The following SH3RF3 variants were observed in gnomAD, a reference collection of about 807,000 sequenced individuals.
The protein encoded by SH3RF3 is SH3 domain containing ring finger 3.
Under a neutral mutation model 66.3 loss-of-function variants are expected in SH3RF3, and 29 were observed. The observed-to-expected ratio is 0.44, with a 90% CI of 0.33 to 0.60. The LOEUF (loss-of-function observed/expected upper bound fraction) is 0.60, where lower values mean the gene tolerates loss of function less well. SH3RF3 is among the 20% of genes least tolerant of loss of function. The probability of loss-of-function intolerance (pLI) is 0.04; values close to 1 mark genes in which losing one functional copy is unlikely to be tolerated. For missense variants in SH3RF3, 1,194 were observed against 1,190.9 expected, an observed-to-expected ratio of 1.00 and a Z score of -0.04; for synonymous variants, 583 against 532.0, an observed-to-expected ratio of 1.10 and a Z score of -1.32.
chr2:109,340,894 G>GT (rs1459052807), intron 1 of SH3RF3, among the ~76,000 whole-genome samples: 1 of 151,768 alleles, frequency 6.6e-6, no homozygotes, highest in Non-Finnish European at 1.5e-5. Context: ...TCTGGGAAAA[G>GT]TAAAAAAAGG....
At chr2:109,299,624 A>T (rs1440005178) in intron 1 of SH3RF3, among the ~76,000 whole-genome samples, 2 of 152,134 alleles carry the variant, frequency 1.3e-5, no homozygotes, top group Non-Finnish European at 2.9e-5. Context: ...GCTCACAGGA[A>T]ACCTTGAATT....
intron 1 of SH3RF3, among the ~76,000 whole-genome samples, chr2:109,283,658 G>A (rs192148877): frequency 2.8e-4 from 42 of 152,308 alleles, no homozygotes; most frequent in African/African-American, 9.4e-4. Context: ...GTGCACATGG[G>A]GACCTGGAAG....
At chr2:109,187,037 A>G (rs1160320970) in intron 1 of SH3RF3, among the ~76,000 whole-genome samples, 3 of 149,702 alleles carry the variant, frequency 2.0e-5, no homozygotes, top group African/African-American at 2.4e-5. Context: ...ACCCCACCCC[A>G]TAGGTGCTGG....
At chr2:109,252,286 T>G (rs897982473) in intron 1 of SH3RF3, among the ~76,000 whole-genome samples, 1 of 152,138 alleles carries the variant, frequency 6.6e-6, no homozygotes, top group Admixed American at 6.5e-5. Flanking sequence ...CATTATAATT[T>G]AAAAAGATGT....
intron 1 of SH3RF3, among the ~76,000 whole-genome samples, chr2:109,139,157 G>T (rs149227566): frequency 6.6e-6 from 1 of 152,156 alleles, no homozygotes; most frequent in African/African-American, 2.4e-5. Context: ...CCAAATCTGC[G>T]TAACTTAAAA....
chr2:109,449,096 T>A (rs905107863), intron 7 of SH3RF3, 74 bp from the exon 8 acceptor site: 15 of 1,517,866 alleles, frequency 9.9e-6, no homozygotes, highest in Non-Finnish European at 1.3e-5. Context: ...TGAGTGTGCA[T>A]TGCAGCTGCC....
intron 1 of SH3RF3, among the ~76,000 whole-genome samples, chr2:109,200,395 C>G (rs1678641288): frequency 6.6e-6 from 1 of 152,094 alleles, no homozygotes; most frequent in African/African-American, 2.4e-5. Flanking sequence ...TCTGCCTTGT[C>G]TTTCTCTCTT....
chr2:109,148,695 T>A (rs1429706700), intron 1 of SH3RF3, among the ~76,000 whole-genome samples: 2 of 152,244 alleles, frequency 1.3e-5, no homozygotes, highest in African/African-American at 4.8e-5. Context: ...AGTGCATTCA[T>A]GGCTGAAGAA....
At chr2:109,276,004 C>T (rs1680748712) in intron 1 of SH3RF3, among the ~76,000 whole-genome samples, 2 of 152,212 alleles carry the variant, frequency 1.3e-5, no homozygotes, top group East Asian at 3.9e-4. Flanking sequence ...CCCATTTGGT[C>T]TCCAATCCTG....
At chr2:109,484,067 C>CT (rs562496561) in intron 8 of SH3RF3, among the ~76,000 whole-genome samples, 1,027 of 94,326 alleles carry the variant, frequency 0.011, 11 homozygotes, top group African/African-American at 0.019. Flanking sequence ...TCTGGCCTTT[C>CT]TTTTTTTTTT....
intron 8 of SH3RF3, among the ~76,000 whole-genome samples, chr2:109,477,613 GGTGTGTGTGTGTGT>G: frequency 6.7e-6 from 1 of 149,450 alleles, no homozygotes; most frequent in East Asian, 2.0e-4. Flanking sequence ...GCCACAGATG[GGTGTGTGTGTGTGT>G]GTGTGTGTGT....
At chr2:109,409,721 G>A (rs865865962) in intron 4 of SH3RF3, among the ~76,000 whole-genome samples, 26 of 152,106 alleles carry the variant, frequency 1.7e-4, no homozygotes, top group Non-Finnish European at 3.4e-4. Context: ...AGAGGCACGC[G>A]GGGCCTCTGG....
intron 3 of SH3RF3, among the ~76,000 whole-genome samples, chr2:109,381,898 G>A (rs1448208112): frequency 6.6e-6 from 1 of 152,090 alleles, no homozygotes; most frequent in Non-Finnish European, 1.5e-5. Context: ...ATGTGCAATG[G>A]GCAAACATGT....
chr2:109,239,717 A>T (rs1276024547), intron 1 of SH3RF3, among the ~76,000 whole-genome samples: 1 of 152,166 alleles, frequency 6.6e-6, no homozygotes, highest in Non-Finnish European at 1.5e-5. Flanking sequence ...TGCTCTGCCA[A>T]GTGCTCCAGC....
intron 1 of SH3RF3, among the ~76,000 whole-genome samples, chr2:109,233,311 G>A (rs767584774): frequency 2.0e-5 from 3 of 152,196 alleles, no homozygotes; most frequent in African/African-American, 4.8e-5. Context: ...CTCTCAGTGG[G>A]TTGGGGACCT....
At chr2:109,442,646 G>A (rs967685835) in intron 7 of SH3RF3, among the ~76,000 whole-genome samples, 3 of 152,130 alleles carry the variant, frequency 2.0e-5, no homozygotes, top group Non-Finnish European at 4.4e-5. Context: ...GAATCTTTAT[G>A]TTATGAAATC....
At chr2:109,297,863 C>G (rs112092728) in intron 1 of SH3RF3, among the ~76,000 whole-genome samples, 2,578 of 152,218 alleles carry the variant, frequency 0.017, 37 homozygotes, top group Non-Finnish European at 0.026. Flanking sequence ...TTCGCCCCAC[C>G]CAGGCCAATA....
At chr2:109,376,328 G>C in intron 3 of SH3RF3, among the ~76,000 whole-genome samples, 1 of 152,196 alleles carries the variant, frequency 6.6e-6, no homozygotes, top group East Asian at 1.9e-4. Context: ...CAGCCCTCTT[G>C]GAAGCTGTCT....
chr2:109,149,216 T>C (rs6720247), intron 1 of SH3RF3, among the ~76,000 whole-genome samples: 104,241 of 151,924 alleles, frequency 0.69, 36,687 homozygotes, highest in Non-Finnish European at 0.72. Context: ...CCACACCCAC[T>C]GCTTTTATTC....
Sources: gnomAD v4.1 joint callset for allele counts (sites outside exome capture counted in the v4.1 genomes callset) on GRCh38, gnomAD v4.1.1 for gene constraint, MANE v1.5 for transcripts, NCBI Gene and HGNC (gene_info 2026-07-23, HGNC 2026-07-21) for gene names.